GRM6: variants seen among roughly 807,000 people sequenced by gnomAD.
The protein encoded by GRM6 is metabotropic glutamate receptor 6.
A neutral mutation model predicts 78.4 loss-of-function variants in GRM6; 73 were observed. That is an observed-to-expected ratio of 0.93 (90% CI 0.77 to 1.13). The LOEUF (loss-of-function observed/expected upper bound fraction) is 1.13. GRM6 is among the 50% of genes most tolerant of loss of function. The pLI is 0.00. For synonymous variants in GRM6, 580 were observed against 555.0 expected (o/e 1.05, Z -0.63); for missense variants, 1,251 against 1,256.4 (o/e 1.00, Z 0.07).
intron 10 of GRM6, among the ~76,000 whole-genome samples, chr5:178,982,560 G>A (rs1304806203): frequency 9.9e-6 from 1 of 101,226 alleles, no homozygotes; most frequent in Admixed American, 1.6e-4. Context: ...CTGGGCAACA[G>A]AGTGAGACTC....
At position 178,991,346 on chromosome 5, in the gene GRM6, A is replaced by G; in HGVS notation, c.857+78T>C. Reference sequence around the variant, plus strand: ...GGAAAGGGAGGCAGGGAGAGTGTGTAAGGTGGCGATGTGCAAGAGGAGGGG... The same window carrying G: ...GGAAAGGGAGGCAGGGAGAGTGTGTGAGGTGGCGATGTGCAAGAGGAGGGG... On this transcript the variant is annotated intron_variant, in intron 4 of 10. Transcript: ENST00000517717. The surrounding 1 kb of genome is among the most constrained non-coding windows in gnomAD (Gnocchi z 5.0). 2.3e-6 allele frequency: 3 copies of G among 1,317,838 alleles called. No individual in the cohort carries two copies. In the Admixed American group the frequency reaches 5.0e-5, roughly 22 times the overall value. 81.6% of individuals were successfully genotyped at this position (1,317,838 alleles called of 1,614,324 possible).
Position 178,979,094 on chromosome 5 carries a change from A to T in GRM6, c.*2563T>A, listed in dbSNP as rs1367728841. ...TAGTGAGACCTCGTCTCTACAAAAA[A>T]TAAAACATTAGCTGGGTATGGTCGT... On this transcript the variant is annotated 3_prime_UTR_variant, in exon 11 of 11. Coordinates refer to ENST00000517717, the MANE Select transcript of GRM6 (RefSeq NM_000843.4). 6.6e-6 allele frequency: 1 copy of T among 152,318 alleles called. No homozygotes were observed. The highest frequency in any genetic ancestry group is 2.4e-5 in the African/African-American group (1 of 41,452). 9.4% of individuals were successfully genotyped at this position (152,318 alleles called of 1,614,324 possible). A position where few individuals can be genotyped will look rare whatever the true frequency, so the allele number is the denominator to read the frequency against.
Position 178,994,879 on chromosome 5 carries a change from C to G in GRM6, c.66G>C (p.Ala22=). ...LVALLPLAWL[A]QAGLARAAGS... ...CCGCCGCGCGCGCCAGGCCCGCCTG[C>G]GCCAGCCACGCCAGCGGCAGCAGCG... Residue 22 remains alanine, a synonymous_variant, in exon 2 of 11, where the codon GCG becomes GCC. Coordinates refer to ENST00000517717, the MANE Select transcript of GRM6 (RefSeq NM_000843.4). 2 of 1,203,572 alleles carry G rather than the reference C, an allele frequency of 1.7e-6. No individual in the cohort carries two copies. The highest frequency in any genetic ancestry group is 2.1e-6 in the Non-Finnish European group (2 of 967,920). The allele number at this position is 1,203,572 out of a possible 1,614,324, so 74.6% of individuals were successfully genotyped here.
At chr5:178,987,241 G>T (rs1336894543) in intron 7 of GRM6, 1 of 638,442 alleles carries the variant, frequency 1.6e-6, no homozygotes. Context: ...AAAGGCTGCA[G>T]CCGCTGCAGA....
intron 10 of GRM6, 61 bp downstream of exon 10, chr5:178,982,849 A>G: frequency 8.4e-7 from 1 of 1,195,294 alleles, no homozygotes; most frequent in Non-Finnish European, 1.3e-6. Context: ...AATCTCATGA[A>G]TGAATCGACC....
At chr5:178,993,613 A>G (rs1365019005) in intron 2 of GRM6, among the ~76,000 whole-genome samples, 1 of 152,130 alleles carries the variant, frequency 6.6e-6, no homozygotes, top group East Asian at 1.9e-4. Flanking sequence ...CTTCACAGAG[A>G]GCCGGATGCA....
intron 9 of GRM6, chr5:178,985,701 TA>T (rs780167139): frequency 0.014 from 4,766 of 347,110 alleles, 64 homozygotes; most frequent in African/African-American, 0.059. Context: ...AGACTCTGTC[TA>T]AAAAAAAAAA....
Position 178,986,573 on chromosome 5 carries a change from C to A in GRM6, c.1681G>T (p.Asp561Tyr), listed in dbSNP as rs781495120. 11 of 1,607,450 alleles carry A rather than the reference C, an allele frequency of 6.8e-6. No individual in the cohort carries two copies. The change falls in exon 9 of 11, where the codon GAC becomes TAC. Residue 561 changes from aspartate (D) to tyrosine (Y), a missense_variant. Asp to Tyr is a radical substitution (Grantham distance 160, BLOSUM62 -3). Transcript: ENST00000517717. ...DEFTCEACPG[D>Y]MRPTPNHTGC... ...GTGTGGTTGGGCGTGGGCCTCATGTCCCCAGGACAGGCCTCGCATGTGAAC... is the reference window on the plus strand; with the variant it reads ...GTGTGGTTGGGCGTGGGCCTCATGTACCCAGGACAGGCCTCGCATGTGAAC...
chr5:178,986,803 C>G (rs747492578), intron 8 of GRM6, 35 bp downstream of exon 8: 5 of 1,612,582 alleles, frequency 3.1e-6, no homozygotes, highest in Non-Finnish European at 4.2e-6. Flanking sequence ...GGATCCTGGG[C>G]CCATGCCCAC....
Position 178,989,032 on chromosome 5 carries a change from G to A in GRM6, c.1257C>T (p.His419=). Residue 419 remains histidine (H), a synonymous_variant, in exon 7 of 11, where the codon CAC becomes CAT. Coordinates refer to ENST00000517717, the MANE Select transcript of GRM6 (RefSeq NM_000843.4). Reference sequence around the variant, plus strand: ...CTGTGTGCCCAGGGCAGAGCGCCTGGTGCATGCTGTGGAGGGCGTGGGCAA... The same window carrying A: ...CTGTGTGCCCAGGGCAGAGCGCCTGATGCATGCTGTGGAGGGCGTGGGCAA... ...YAIAHALHSM[H]QALCPGHTGL... The A allele has an allele frequency of 1.2e-6, 2 of 1,614,030 alleles. No individual in the cohort carries two copies. The highest frequency in any genetic ancestry group is 1.1e-5 in the South Asian group (1 of 91,072).
At chr5:178,984,434 T>G (rs1054635926) in intron 9 of GRM6, among the ~76,000 whole-genome samples, 1 of 152,212 alleles carries the variant, frequency 6.6e-6, no homozygotes, top group Non-Finnish European at 1.5e-5. Flanking sequence ...AGATGCCATT[T>G]TGCAGCCCGT....
At chr5:178,983,483 C>G (rs1029135969) in intron 9 of GRM6, 1 of 667,224 alleles carries the variant, frequency 1.5e-6, no homozygotes. Flanking sequence ...TATATGTTGG[C>G]AACATCAGTG....
chr5:178,981,424 A>C lies in GRM6; in HGVS notation c.*233T>G, dbSNP rs1760392017. 5.3e-5 allele frequency: 26 copies of C among 489,146 alleles called. No individual in the cohort carries two copies. Among genetic ancestry groups the C allele is most frequent in the Admixed American group, 6.9e-5 (2 of 29,056 alleles). The allele number at this position is 489,146 out of a possible 1,614,324, so 30.3% of individuals were successfully genotyped here. A position where few individuals can be genotyped will look rare whatever the true frequency, so the allele number is the denominator to read the frequency against. ...AGAACCTTCTCGGTGGCTGTTTCCCACCATGGGAAGCGAGTCTGGTCTGTG... is the reference window on the plus strand; with the variant it reads ...AGAACCTTCTCGGTGGCTGTTTCCCCCCATGGGAAGCGAGTCTGGTCTGTG... On this transcript the variant is annotated 3_prime_UTR_variant, in exon 11 of 11. Transcript: ENST00000517717. This position sits in a 1 kb window ranked among gnomAD's most constrained non-coding sequence, Gnocchi z 5.1.
Position 178,986,416 on chromosome 5 carries a change from G to A in GRM6, c.1838C>T (p.Thr613Met), listed in dbSNP as rs61733044. ...VVATFVRYNN[T>M]PIVRASGREL... ...TCGGCCCGAGGCCCGGACGATGGGC[G>A]TGTTGTTGTACCGCACGAAGGTGGC... Residue 613 changes from threonine to methionine, a missense_variant, in exon 9 of 11, where the codon ACG becomes ATG. Coordinates refer to ENST00000517717, the MANE Select transcript of GRM6 (RefSeq NM_000843.4). 1,074 of 1,613,704 alleles carry A rather than the reference G, an allele frequency of 6.7e-4. No individual in the cohort carries two copies. Among genetic ancestry groups the A allele is most frequent in the Admixed American group, 8.5e-4 (51 of 60,022 alleles).
intron 9 of GRM6, chr5:178,983,566 C>T (rs1246684893): frequency 1.5e-5 from 7 of 466,352 alleles, no homozygotes; most frequent in Non-Finnish European, 1.7e-5. Flanking sequence ...TACTGCGCCC[C>T]TTCAAGGTAG....
chr5:178,983,391 G>A (rs1249112999), intron 9 of GRM6, 170 bp from the exon 10 acceptor site: 1 of 722,144 alleles, frequency 1.4e-6, no homozygotes, highest in Non-Finnish European at 2.5e-6. Flanking sequence ...AGAGGGGATG[G>A]CAGCCCAGGC....
chr5:178,994,387 G>T, intron 2 of GRM6, 54 bp downstream of exon 2: 2 of 1,435,334 alleles, frequency 1.4e-6, no homozygotes, highest in Non-Finnish European at 1.8e-6. Flanking sequence ...GGCCACCCCA[G>T]GGCGAGGACG....
At chr5:178,993,897 A>G (rs1427701019) in intron 2 of GRM6, among the ~76,000 whole-genome samples, 2 of 152,132 alleles carry the variant, frequency 1.3e-5, no homozygotes, top group African/African-American at 2.4e-5. Flanking sequence ...CCCTTGAGGG[A>G]GAGTTCAAGG....
chr5:178,989,966 T>C (rs1760642615), intron 5 of GRM6: 1 of 203,810 alleles, frequency 4.9e-6, no homozygotes. Flanking sequence ...CTAAAACTAC[T>C]CTCAGTCCAG....
Sources: allele counts gnomAD v4.1 joint callset (sites outside exome capture counted in the v4.1 genomes callset), GRCh38; gene constraint gnomAD v4.1.1; non-coding constraint Gnocchi (gnomAD v3.1); transcripts MANE v1.5; gene names NCBI Gene and HGNC (gene_info 2026-07-23, HGNC 2026-07-21).